KIAA1217: variants seen among roughly 807,000 people sequenced by gnomAD.
KIAA1217 encodes sickle tail protein homolog.
KIAA1217 carries 88 observed loss-of-function variants against 163.9 expected under a neutral mutation model. The ratio of observed to expected loss-of-function variants is 0.54; its 90% CI spans 0.45 to 0.64. The LOEUF is 0.64. Ranked by LOEUF, KIAA1217 falls within the 30% of genes least tolerant of loss-of-function variation. KIAA1217 has a pLI of 0.00. For synonymous variants in KIAA1217, 903 were observed against 923.1 expected, an observed-to-expected ratio of 0.98 and a Z score of 0.39; for missense variants, 2,372 against 2,475.0, an observed-to-expected ratio of 0.96 and a Z score of 0.88.
intron 1 of KIAA1217, among the ~76,000 whole-genome samples, chr10:23,916,597 T>C (rs900175362): frequency 6.6e-6 from 1 of 152,130 alleles, no homozygotes; most frequent in Non-Finnish European, 1.5e-5. Flanking sequence ...AGTATTTCCT[T>C]GTAAAGGTCA....
At chr10:23,699,348 AC>A in intron 1 of KIAA1217, among the ~76,000 whole-genome samples, 1 of 152,180 alleles carries the variant, frequency 6.6e-6, no homozygotes, top group Non-Finnish European at 1.5e-5. Flanking sequence ...GACTGCGAAG[AC>A]CATCTGGTTC....
intron 2 of KIAA1217, among the ~76,000 whole-genome samples, chr10:24,136,899 G>A (rs1261112484): frequency 6.6e-6 from 1 of 152,146 alleles, no homozygotes; most frequent in Non-Finnish European, 1.5e-5. Context: ...GTTTACAAAA[G>A]CATTAAGCCT....
At chr10:24,128,542 G>A (rs1188048198) in intron 2 of KIAA1217, among the ~76,000 whole-genome samples, 3 of 152,152 alleles carry the variant, frequency 2.0e-5, no homozygotes, top group Non-Finnish European at 2.9e-5. Context: ...TGATGCACAC[G>A]ACCTATTGAT....
At chr10:24,203,419 C>T (rs1005175012) in intron 2 of KIAA1217, among the ~76,000 whole-genome samples, 5 of 152,068 alleles carry the variant, frequency 3.3e-5, no homozygotes, top group Admixed American at 3.3e-4. Context: ...GAGAGCCACA[C>T]GTTCGAGAAT....
At chr10:23,988,044 AT>A (rs1057255440) in intron 1 of KIAA1217, among the ~76,000 whole-genome samples, 4 of 143,876 alleles carry the variant, frequency 2.8e-5, no homozygotes, top group East Asian at 2.0e-4. Flanking sequence ...TTTTATTTTT[AT>A]TTTTTTTTAA....
chr10:24,402,957 A>G (rs546424988), intron 3 of KIAA1217, among the ~76,000 whole-genome samples: 1 of 152,202 alleles, frequency 6.6e-6, no homozygotes, highest in South Asian at 2.1e-4. Flanking sequence ...TGAAAAAGCA[A>G]TTCAATGGAG....
At chr10:24,120,231 C>G (rs1349527510) in intron 2 of KIAA1217, among the ~76,000 whole-genome samples, 1 of 152,114 alleles carries the variant, frequency 6.6e-6, no homozygotes, top group Non-Finnish European at 1.5e-5. Flanking sequence ...TGTGTAGTAA[C>G]TAGATGTAGT....
rs147821869 is a variant in KIAA1217, at chr10:24,446,622, G to A, written c.846+8143G>A. Among the ~76,000 whole-genome samples the A allele has an allele frequency of 4.6e-3, 700 of 152,200 alleles. 2 individuals carry two copies. The highest frequency in any genetic ancestry group is 6.0e-3 in the Non-Finnish European group (411 of 68,002). On this transcript the variant is annotated intron_variant, in intron 5 of 20. Transcript: ENST00000376454. ...CTAGCTGATAATCTATTTAGAGATC[G>A]TTTTTGACCCACCTGTAATATCCCC...
intron 2 of KIAA1217, among the ~76,000 whole-genome samples, chr10:24,361,757 C>A (rs1047085568): frequency 4.0e-5 from 6 of 151,872 alleles, no homozygotes; most frequent in African/African-American, 1.5e-4. Context: ...GGGAAGATCA[C>A]GAGGTCAGGA....
At chr10:24,402,709 C>T (rs1212076313) in intron 3 of KIAA1217, among the ~76,000 whole-genome samples, 1 of 152,062 alleles carries the variant, frequency 6.6e-6, no homozygotes, top group Non-Finnish European at 1.5e-5. Flanking sequence ...AAAATAGAAC[C>T]ACCCAAATAC....
At chr10:24,458,266 C>G (rs2062008744) in intron 5 of KIAA1217, among the ~76,000 whole-genome samples, 1 of 152,232 alleles carries the variant, frequency 6.6e-6, no homozygotes, top group Non-Finnish European at 1.5e-5. Context: ...GGCTGACTGA[C>G]TTGCTATTTG....
chr10:23,811,978 G>T lies in KIAA1217; in HGVS notation c.-321+116744G>T, dbSNP rs549677530. Among the ~76,000 whole-genome samples, 5 of 152,186 alleles carry T rather than the reference G, an allele frequency of 3.3e-5. No individual in the cohort carries two copies. The South Asian group carries it at 1.0e-3, about 32-fold the overall frequency. ...TGCATGCCTACAGTCCCAGCTGTTTGGGGGGCTGAGGTGAGGGGATCGCTT... is the reference window on the plus strand; with the variant it reads ...TGCATGCCTACAGTCCCAGCTGTTTTGGGGGCTGAGGTGAGGGGATCGCTT... On this transcript the variant is annotated intron_variant, in intron 1 of 18. Coordinates refer to the KIAA1217 transcript ENST00000376462.
chr10:23,938,246 CAGAT>C (rs1843615617), intron 1 of KIAA1217, among the ~76,000 whole-genome samples: 1 of 152,090 alleles, frequency 6.6e-6, no homozygotes, highest in Admixed American at 6.6e-5. Flanking sequence ...TATAGGGAAT[CAGAT>C]AGAGTGCTTC....
intron 2 of KIAA1217, among the ~76,000 whole-genome samples, chr10:24,090,341 T>TTTG (rs1301882617): frequency 7.7e-6 from 1 of 129,352 alleles, no homozygotes; most frequent in Non-Finnish European, 1.6e-5. Context: ...TCTTTTTTTT[T>TTTG]TTTTTTTTTT....
At chr10:24,452,454 A>C (rs987185015) in intron 5 of KIAA1217, among the ~76,000 whole-genome samples, 18 of 151,696 alleles carry the variant, frequency 1.2e-4, no homozygotes, top group Non-Finnish European at 2.4e-4. Context: ...CGGGCGGATC[A>C]TGAGGTCAGG....
At chr10:24,108,069 G>T (rs762609741) in intron 2 of KIAA1217, among the ~76,000 whole-genome samples, 95 of 152,282 alleles carry the variant, frequency 6.2e-4, no homozygotes, top group Non-Finnish European at 9.4e-4. Context: ...CAAGGAAGAG[G>T]GAAGAAGTAG....
chr10:23,744,327 T>A (rs1170077018), intron 1 of KIAA1217, among the ~76,000 whole-genome samples: 2 of 152,150 alleles, frequency 1.3e-5, no homozygotes, highest in East Asian at 3.9e-4. Context: ...ATTGGCGTTT[T>A]TCAGGTCTAA....
intron 2 of KIAA1217, among the ~76,000 whole-genome samples, chr10:24,184,015 C>T (rs1401124221): frequency 6.6e-6 from 1 of 152,216 alleles, no homozygotes; most frequent in African/African-American, 2.4e-5. Context: ...AGGACAATCA[C>T]CCCTTTCTGA....
chr10:24,304,046 CA>C (rs1169649517), intron 2 of KIAA1217, among the ~76,000 whole-genome samples: 1 of 151,584 alleles, frequency 6.6e-6, no homozygotes, highest in Non-Finnish European at 1.5e-5. Context: ...TAGCATAAAT[CA>C]GCATTCTCTG....
Sources: allele counts gnomAD v4.1 joint callset (sites outside exome capture counted in the v4.1 genomes callset), GRCh38; gene constraint gnomAD v4.1.1; transcripts MANE v1.5; gene names NCBI Gene and HGNC (gene_info 2026-07-23, HGNC 2026-07-21).